Variants in CLTRN observed in about 807,000 individuals in gnomAD.
The protein encoded by CLTRN is collectrin.
Under a neutral mutation model 14.5 loss-of-function variants are expected in CLTRN, and 12 were observed. The observed-to-expected ratio is 0.83, with a 90% CI of 0.53 to 1.34. CLTRN has a LOEUF of 1.34. Ranked by LOEUF, CLTRN falls within the 40% of genes most tolerant of loss-of-function variation. The pLI is 0.00. For synonymous variants in CLTRN, 58 were observed against 56.5 expected (o/e 1.03, Z -0.12); for missense variants, 154 against 165.1 (o/e 0.93, Z 0.37).
intron 4 of CLTRN, among the ~76,000 whole-genome samples, chrX:15,640,076 G>A (rs1183866565): frequency 9.0e-6 from 1 of 111,423 alleles, no homozygotes; most frequent in Non-Finnish European, 1.9e-5. Context: ...GGAGGGACTC[G>A]TCTCTGGAGG....
chrX:15,670,910 G>A (rs1929707826), intron 1 of CLTRN, among the ~76,000 whole-genome samples: 1 of 106,394 alleles, frequency 9.4e-6, no homozygotes, highest in Non-Finnish European at 1.9e-5. Context: ...GTGTGTGTGT[G>A]TGTGTGTGTG....
At chrX:15,669,686 G>A (rs1200843370), upstream of CLTRN, among the ~76,000 whole-genome samples, 1 of 111,931 alleles carries the variant, frequency 8.9e-6, no homozygotes. Flanking sequence ...CACTAGATTC[G>A]TATAAATACG....
intron 3 of CLTRN, among the ~76,000 whole-genome samples, chrX:15,652,358 A>G (rs188238726): frequency 9.0e-6 from 1 of 110,769 alleles, no homozygotes; most frequent in Admixed American, 9.6e-5. Context: ...CAATGGAATT[A>G]TTTTTTGTTG....
At chrX:15,671,784 T>C (rs866251887) in intron 1 of CLTRN, among the ~76,000 whole-genome samples, 1 of 110,582 alleles carries the variant, frequency 9.0e-6, no homozygotes, top group Non-Finnish European at 1.9e-5. Flanking sequence ...ATTTTAATAA[T>C]AATTTTAGAA....
chrX:15,644,387 C>T (rs1348691441), intron 4 of CLTRN, among the ~76,000 whole-genome samples: 1 of 111,542 alleles, frequency 9.0e-6, no homozygotes, highest in Non-Finnish European at 1.9e-5. Flanking sequence ...TCTGTAAATG[C>T]ATTTTGCCAT....
chrX:15,646,464 C>CA (rs1929072403), intron 3 of CLTRN: 1 of 241,503 alleles, frequency 4.1e-6, no homozygotes, highest in African/African-American at 3.3e-5. Flanking sequence ...GCGCACCCAC[C>CA]CCCCCGCCCG....
At chrX:15,665,371 C>T (rs185763408), upstream of CLTRN, among the ~76,000 whole-genome samples, 2 of 111,850 alleles carry the variant, frequency 1.8e-5, no homozygotes, top group Admixed American at 1.9e-4. Context: ...AACTACCTAT[C>T]GAATACTATG....
At chrX:15,644,858 C>T in intron 4 of CLTRN, 58 bp downstream of exon 4, 1 of 727,859 alleles carries the variant, frequency 1.4e-6, no homozygotes, top group Non-Finnish European at 2.1e-6. Context: ...TTTTTAAAAA[C>T]AGTTGAATTA....
chrX:15,633,494 T>C (rs1276698328), intron 5 of CLTRN, among the ~76,000 whole-genome samples: 2 of 112,622 alleles, frequency 1.8e-5, no homozygotes, highest in Admixed American at 1.9e-4. Context: ...TCAACACACT[T>C]ACATTAGATT....
intron 2 of CLTRN, among the ~76,000 whole-genome samples, chrX:15,660,868 CT>C (rs1212879493): frequency 9.0e-6 from 1 of 111,341 alleles, no homozygotes; most frequent in Non-Finnish European, 1.9e-5. Context: ...GGAAAAATCA[CT>C]TTTCTCATAT....
rs759470617 is a variant in CLTRN, at chrX:15,628,066, T to C, written c.574A>G (p.Ile192Val). 5.2e-6 allele frequency: 6 copies of C among 1,149,737 alleles called. No homozygotes were observed. The highest frequency in any genetic ancestry group is 7.0e-6 in the Non-Finnish European group (6 of 862,272). 94.8% of individuals were successfully genotyped at this position (1,149,737 alleles called of 1,213,427 possible). Reference protein sequence around the residue: ...AEDKCENMITIENGIPSDPLD... With the variant: ...AEDKCENMITVENGIPSDPLD... ...GGATCAGAGGGGATGCCATTTTCAATTGTGATCATGTTTTCACACTTATCT... is the reference window on the plus strand; with the variant it reads ...GGATCAGAGGGGATGCCATTTTCAACTGTGATCATGTTTTCACACTTATCT... Residue 192 changes from isoleucine (I) to valine (V), a missense_variant, in exon 6 of 6, where the codon ATT becomes GTT. Ile to Val is a conservative substitution (Grantham distance 29). Transcript: ENST00000380342.
At position 15,639,730 on chromosome X, in the gene CLTRN, G is replaced by C; in HGVS notation, c.344C>G (p.Ala115Gly). ...IRMNKNRINNAFFLNDQTLEF... is the reference protein window; with the variant it reads ...IRMNKNRINNGFFLNDQTLEF... ...CAGAGTTTGGTCATTTAGAAAGAAG[G>C]CATTGTTGATCCGGTTCTTGTTCAT... The change falls in exon 5 of 6, where the codon GCC becomes GGC. Residue 115 changes from alanine (A) to glycine (G), a missense_variant. Ala to Gly is a moderately conservative substitution (Grantham distance 60). Coordinates refer to ENST00000380342, the MANE Select transcript of CLTRN (RefSeq NM_020665.6). 1.7e-6 allele frequency: 2 copies of C among 1,206,360 alleles called. No homozygotes were observed. The highest frequency in any genetic ancestry group is 1.8e-5 in the South Asian group (1 of 55,332).
At chrX:15,633,195 A>C (rs1928742140) in intron 5 of CLTRN, among the ~76,000 whole-genome samples, 1 of 112,054 alleles carries the variant, frequency 8.9e-6, no homozygotes, top group African/African-American at 3.2e-5. Context: ...ATATAATAGC[A>C]ATGATAATGC....
chrX:15,645,070 A>G, intron 3 of CLTRN, 41 bp from the exon 4 acceptor site: 1 of 870,273 alleles, frequency 1.1e-6, no homozygotes, highest in Non-Finnish European at 1.7e-6. Flanking sequence ...GAAGAATATC[A>G]TACCAAATGG....
chrX:15,664,368 A>T lies in CLTRN; in HGVS notation c.86T>A (p.Leu29His), dbSNP rs779199141. The change falls in exon 2 of 6, where the codon CTT (leucine) becomes CAT (histidine). Residue 29 changes from leucine to histidine, a missense_variant. By Grantham distance (99) the Leu-to-His change is moderately conservative (BLOSUM62 -3). Coordinates refer to ENST00000380342, the MANE Select transcript of CLTRN (RefSeq NM_020665.6). The part of the protein sequence containing the change: ...PGAENAFKVR[L>H]SIRTALGDKA... ...ATCTCCCAGAGCTGTTCTGATACTA[A>T]GTCTCACTTTAAAAGCATTTTCTGC... The T allele has an allele frequency of 4.9e-5, 58 of 1,190,586 alleles. 1 individual carries two copies. The East Asian group carries it at 1.7e-3, about 34-fold the overall frequency.
chrX:15,657,828 G>C (rs1929411295), intron 3 of CLTRN, among the ~76,000 whole-genome samples: 1 of 111,478 alleles, frequency 9.0e-6, no homozygotes, highest in Non-Finnish European at 1.9e-5. Context: ...TTCATTTTTT[G>C]AATCACGTTA....
At chrX:15,669,110 T>A (rs1265498270), upstream of CLTRN, among the ~76,000 whole-genome samples, 1 of 112,016 alleles carries the variant, frequency 8.9e-6, no homozygotes, top group East Asian at 2.8e-4. Flanking sequence ...TGTAACAAAT[T>A]CATTGTTAAA....
intron 3 of CLTRN, chrX:15,646,652 C>G (rs896609081): frequency 5.9e-6 from 2 of 341,502 alleles, no homozygotes; most frequent in Admixed American, 6.2e-5. Context: ...AGATGGTGCC[C>G]GCCCGCATCC....
Position 15,653,037 on chromosome X carries a change from C to T in CLTRN, c.203+5979G>A, listed in dbSNP as rs189870672. On this transcript the variant is annotated intron_variant, in intron 3 of 5. Coordinates refer to ENST00000380342, the MANE Select transcript of CLTRN (RefSeq NM_020665.6). ...TGGAAGTTGCAGTGAGCCAAGATGGCGCCACTGCACTCCACCCTGGGTGAC... is the reference window on the plus strand; with the variant it reads ...TGGAAGTTGCAGTGAGCCAAGATGGTGCCACTGCACTCCACCCTGGGTGAC... Among the ~76,000 whole-genome samples, 444 of 111,083 alleles carry T rather than the reference C, an allele frequency of 4.0e-3. 3 individuals carry two copies. The highest frequency in any genetic ancestry group is 0.014 in the African/African-American group (420 of 30,541).
Sources: allele counts gnomAD v4.1 joint callset (sites outside exome capture counted in the v4.1 genomes callset), GRCh38; gene constraint gnomAD v4.1.1; transcripts MANE v1.5; gene names NCBI Gene and HGNC (gene_info 2026-07-23, HGNC 2026-07-21).